Variants in KPNA6 observed in about 807,000 individuals in gnomAD.
KPNA6 encodes karyopherin subunit alpha 6.
KPNA6 carries 9 observed loss-of-function variants against 72.0 expected under a neutral mutation model. The ratio of observed to expected loss-of-function variants is 0.13; its 90% CI spans 0.08 to 0.22. KPNA6 has a LOEUF of 0.22. KPNA6 is among the 10% of genes least tolerant of loss of function. KPNA6 has a pLI of 1.00. For missense variants in KPNA6, 374 were observed against 655.7 expected, an observed-to-expected ratio of 0.57 and a Z score of 4.69; for synonymous variants, 219 against 242.1, an observed-to-expected ratio of 0.90 and a Z score of 0.89.
At chr1:32,166,028 AAC>A in intron 10 of KPNA6, 75 bp from the exon 11 acceptor site, 1 of 1,488,614 alleles carries the variant, frequency 6.7e-7, no homozygotes. Flanking sequence ...CAACAACAAC[AAC>A]AACAACAAAA....
At chr1:32,122,006 G>A (rs1462997204) in intron 1 of KPNA6, among the ~76,000 whole-genome samples, 1 of 151,292 alleles carries the variant, frequency 6.6e-6, no homozygotes, top group African/African-American at 2.4e-5. Context: ...GGGCGCGGTG[G>A]CTCACGCCTG....
At chr1:32,132,064 A>G (rs75125786) in intron 1 of KPNA6, among the ~76,000 whole-genome samples, 12,450 of 151,338 alleles carry the variant, frequency 0.082, 750 homozygotes, top group South Asian at 0.25. Context: ...TCCGCTTTCC[A>G]GGTAGAAGCA....
rs531221751 is a variant in KPNA6, at chr1:32,155,709, T to A, written c.138+988T>A. 1.3e-4 allele frequency among the ~76,000 whole-genome samples: 16 copies of A among 119,436 alleles called. No individual in the cohort carries two copies. In the South Asian group the frequency reaches 6.1e-3, roughly 45 times the overall value. 78.4% of individuals were successfully genotyped at this position (119,436 alleles called of 152,430 possible). Reference sequence around the variant, plus strand: ...ATTCAGTCACCTGATTATTATTATTTATTTATTTATTTATTTATTTATTTA... The same window carrying A: ...ATTCAGTCACCTGATTATTATTATTAATTTATTTATTTATTTATTTATTTA... On this transcript the variant is annotated intron_variant, in intron 2 of 13. Coordinates refer to ENST00000373625, the MANE Select transcript of KPNA6 (RefSeq NM_012316.5).
chr1:32,159,208 C>T (rs1446504279), intron 5 of KPNA6, among the ~76,000 whole-genome samples, 192 bp from the exon 6 acceptor site: 8 of 152,116 alleles, frequency 5.3e-5, no homozygotes, highest in African/African-American at 1.2e-4. Flanking sequence ...TCTCTAAAGA[C>T]GGGAGGGGAA....
chr1:32,136,594 G>T (rs1313872470), intron 1 of KPNA6, among the ~76,000 whole-genome samples: 1 of 152,162 alleles, frequency 6.6e-6, no homozygotes, highest in Non-Finnish European at 1.5e-5. Flanking sequence ...GAAATGGGTT[G>T]CTTTTGTAAT....
chr1:32,165,146 A>G (rs940928245), intron 10 of KPNA6, among the ~76,000 whole-genome samples: 3 of 152,090 alleles, frequency 2.0e-5, no homozygotes, highest in East Asian at 1.9e-4. Flanking sequence ...GGCTTAAGCA[A>G]TCCTCCCACC....
intron 13 of KPNA6, 124 bp downstream of exon 13, chr1:32,170,184 C>T: frequency 1.2e-6 from 1 of 824,952 alleles, no homozygotes. Flanking sequence ...AGACTGATGT[C>T]TGTGTCTTCA....
At chr1:32,122,616 C>T (rs954092747) in intron 1 of KPNA6, among the ~76,000 whole-genome samples, 3 of 151,996 alleles carry the variant, frequency 2.0e-5, no homozygotes, top group African/African-American at 7.2e-5. Context: ...GAGACCCTTT[C>T]TCATTTTTAA....
At chr1:32,125,611 G>A (rs1016697466) in intron 1 of KPNA6, among the ~76,000 whole-genome samples, 1 of 152,228 alleles carries the variant, frequency 6.6e-6, no homozygotes, top group Admixed American at 6.5e-5. Context: ...GTTGGGTAAG[G>A]TTGAGCTTTG....
chr1:32,167,364 G>A, intron 12 of KPNA6, 68 bp downstream of exon 12: 2 of 1,596,738 alleles, frequency 1.3e-6, no homozygotes, highest in Middle Eastern at 1.7e-4. Context: ...ATGGTTTACA[G>A]GTGACCTATA....
At chr1:32,109,685 C>G (rs1290051984) in intron 1 of KPNA6, among the ~76,000 whole-genome samples, 1 of 150,424 alleles carries the variant, frequency 6.6e-6, no homozygotes, top group African/African-American at 2.4e-5. Context: ...GCTCTGTTGC[C>G]CAGGCTGGAG....
At chr1:32,162,895 G>A (rs1176642015) in intron 9 of KPNA6, among the ~76,000 whole-genome samples, 3 of 151,228 alleles carry the variant, frequency 2.0e-5, no homozygotes, top group Non-Finnish European at 4.4e-5. Context: ...ACAAGGTCAG[G>A]AGATCAAGAC....
At chr1:32,155,887 T>C (rs1288881914) in intron 2 of KPNA6, among the ~76,000 whole-genome samples, 2 of 150,268 alleles carry the variant, frequency 1.3e-5, no homozygotes, top group Non-Finnish European at 3.0e-5. Flanking sequence ...TATAGGCATG[T>C]ACCACCACGC....
At chr1:32,131,612 A>G (rs1641638108) in intron 1 of KPNA6, among the ~76,000 whole-genome samples, 1 of 151,498 alleles carries the variant, frequency 6.6e-6, no homozygotes, top group African/African-American at 2.4e-5. Flanking sequence ...CTATACACAC[A>G]CATATATATA....
At chr1:32,128,829 C>T (rs1416297409) in intron 1 of KPNA6, among the ~76,000 whole-genome samples, 3 of 152,182 alleles carry the variant, frequency 2.0e-5, no homozygotes, top group East Asian at 3.9e-4. Flanking sequence ...TTTGAAAAGC[C>T]ATCTTCAAAT....
intron 1 of KPNA6, among the ~76,000 whole-genome samples, chr1:32,127,359 C>T (rs1641553852): frequency 6.6e-6 from 1 of 152,184 alleles, no homozygotes; most frequent in South Asian, 2.1e-4. Flanking sequence ...TGTGGCCTTT[C>T]AGCCTGGCTT....
intron 2 of KPNA6, among the ~76,000 whole-genome samples, chr1:32,156,313 A>G (rs1459443562): frequency 1.3e-5 from 2 of 151,696 alleles, no homozygotes. Context: ...CCTTACATAT[A>G]CTATGTTTTT....
At chr1:32,160,732 GCGTCT>G (rs747022440) in intron 7 of KPNA6, 29 bp downstream of exon 7, 3 of 1,566,280 alleles carry the variant, frequency 1.9e-6, no homozygotes, top group Non-Finnish European at 2.6e-6. Flanking sequence ...CTGTACCTGG[GCGTCT>G]ACTGGGTGGC....
Position 32,156,903 on chromosome 1 carries a change from C to A in KPNA6, c.189C>A (p.Phe63Leu). The change falls in exon 3 of 14, where the codon TTC (phenylalanine) becomes TTA (leucine). Residue 63 changes from phenylalanine (F) to leucine (L), a missense_variant. Phe to Leu is a conservative substitution (Grantham distance 22). Transcript: ENST00000373625. ...TGATTAATGAAGAAGCTGCCATGTT[C>A]GATAGTCTTCTCATGGACTCTTATG... ...VELINEEAAM[F>L]DSLLMDSYVS... The A allele has an allele frequency of 6.2e-7, 1 of 1,614,038 alleles. No homozygotes were observed. The highest frequency in any genetic ancestry group is 1.1e-5 in the South Asian group (1 of 91,052).
Sources: allele counts gnomAD v4.1 joint callset (sites outside exome capture counted in the v4.1 genomes callset), GRCh38; gene constraint gnomAD v4.1.1; transcripts MANE v1.5; gene names NCBI Gene and HGNC (gene_info 2026-07-23, HGNC 2026-07-21).